ATE1: variants seen among roughly 807,000 people sequenced by gnomAD.
ATE1 encodes arginyl-tRNA--protein transferase 1.
A neutral mutation model predicts 70.5 loss-of-function variants in ATE1; 36 were observed. That is an observed-to-expected ratio of 0.51 (90% CI 0.39 to 0.67). The LOEUF (loss-of-function observed/expected upper bound fraction) is 0.67. ATE1 is among the 30% of genes least tolerant of loss of function. ATE1 has a pLI of 0.00. For missense variants in ATE1, 593 were observed against 629.5 expected, an observed-to-expected ratio of 0.94 and a Z score of 0.62; for synonymous variants, 232 against 219.3, an observed-to-expected ratio of 1.06 and a Z score of -0.51.
chr10:121,889,057 A>C (rs1007559921), intron 7 of ATE1, among the ~76,000 whole-genome samples: 1 of 152,066 alleles, frequency 6.6e-6, no homozygotes, highest in African/African-American at 2.4e-5. Flanking sequence ...TTCTGCATCC[A>C]GTCTGGAGTT....
At chr10:121,829,881 AAT>A (rs1948169746) in intron 10 of ATE1, among the ~76,000 whole-genome samples, 1 of 152,208 alleles carries the variant, frequency 6.6e-6, no homozygotes, top group Admixed American at 6.5e-5. Flanking sequence ...GCTAAGAAAA[AAT>A]ATAATTTTAA....
chr10:121,767,176 C>T (rs191344395), intron 11 of ATE1, among the ~76,000 whole-genome samples: 920 of 152,214 alleles, frequency 6.0e-3, no homozygotes, highest in South Asian at 0.016. Flanking sequence ...GAAGAAAAAT[C>T]ACCTGACACA....
rs1590364881 is a variant in ATE1 at position 121,812,102 on chromosome 10, T to C, written c.1258-21813A>G. On this transcript the variant is annotated intron_variant, in intron 10 of 11. Transcript: ENST00000224652. ...TCCCATGTAGCTGGGACTACAGGCATGAGACACCACGCCTGACTAATTTTT... is the reference window on the plus strand; with the variant it reads ...TCCCATGTAGCTGGGACTACAGGCACGAGACACCACGCCTGACTAATTTTT... Among the ~76,000 whole-genome samples, 3 of 151,992 alleles carry C rather than the reference T, an allele frequency of 2.0e-5. No individual in the cohort carries two copies. In the East Asian group the frequency reaches 5.8e-4, roughly 29 times the overall value.
chr10:121,898,422 C>T lies in ATE1; in HGVS notation c.942+1444G>A, dbSNP rs546974276. ...GCAGGCGAGGCTAAGCTATGATGTT[C>T]GGTAGGTTAGGTGTAGGTATTTCTT... On this transcript the variant is annotated intron_variant, in intron 7 of 11. Transcript: ENST00000224652. Among the ~76,000 whole-genome samples the T allele has an allele frequency of 2.3e-3, 346 of 152,246 alleles. 1 individual carries two copies. Among genetic ancestry groups the T allele is most frequent in the African/African-American group, 8.0e-3 (333 of 41,534 alleles).
intron 11 of ATE1, among the ~76,000 whole-genome samples, chr10:121,756,210 T>C (rs1944794085): frequency 6.6e-6 from 1 of 152,226 alleles, no homozygotes; most frequent in African/African-American, 2.4e-5. Flanking sequence ...ATGATCTCCT[T>C]TGACTCCATG....
intron 11 of ATE1, among the ~76,000 whole-genome samples, chr10:121,769,019 A>C (rs1220881698): frequency 8.4e-6 from 1 of 119,744 alleles, no homozygotes; most frequent in Non-Finnish European, 1.9e-5. Context: ...AAGTCTCTGT[A>C]AGAATTTTTA....
intron 7 of ATE1, among the ~76,000 whole-genome samples, chr10:121,892,047 G>C (rs1362288288): frequency 6.6e-6 from 1 of 152,086 alleles, no homozygotes; most frequent in African/African-American, 2.4e-5. Flanking sequence ...TCATGTACAG[G>C]GGAAAAGTAC....
intron 8 of ATE1, among the ~76,000 whole-genome samples, chr10:121,850,080 TA>T (rs1285631155): frequency 6.6e-6 from 1 of 152,178 alleles, no homozygotes; most frequent in Non-Finnish European, 1.5e-5. Flanking sequence ...GTATTGTTGT[TA>T]TAGAGAAAAA....
intron 7 of ATE1, among the ~76,000 whole-genome samples, chr10:121,881,724 A>G (rs1350910116): frequency 6.6e-6 from 1 of 150,948 alleles, no homozygotes; most frequent in African/African-American, 2.4e-5. Context: ...TTCCCAAATG[A>G]TATCTTTTAC....
At chr10:121,778,643 T>C (rs565556389) in intron 11 of ATE1, among the ~76,000 whole-genome samples, 1 of 146,562 alleles carries the variant, frequency 6.8e-6, no homozygotes, top group African/African-American at 2.5e-5. Flanking sequence ...TCTCACTCTC[T>C]GGGCTTCCTC....
At chr10:121,790,382 A>G in intron 10 of ATE1, 93 bp from the exon 11 acceptor site, 1 of 1,477,724 alleles carries the variant, frequency 6.8e-7, no homozygotes, top group Non-Finnish European at 9.0e-7. Flanking sequence ...TTTAAAGCAA[A>G]AACTTAAAAG....
At position 121,882,368 on chromosome 10, in the gene ATE1, C is replaced by G. The variant is rs576648394; in HGVS notation, c.943-12330G>C. Among the ~76,000 whole-genome samples, 13 of 152,286 alleles carry G rather than the reference C, an allele frequency of 8.5e-5. 1 individual carries two copies. Among genetic ancestry groups the G allele is most frequent in the African/African-American group, 3.1e-4 (13 of 41,566 alleles). ...GAAGGATCACTTACTTGCCCTTGAC[C>G]TCAGGATCTCTGACAGTTCCTAATA... On this transcript the variant is annotated intron_variant, in intron 7 of 11. Coordinates refer to ENST00000224652, the MANE Select transcript of ATE1 (RefSeq NM_001001976.3).
intron 7 of ATE1, among the ~76,000 whole-genome samples, chr10:121,885,848 C>A (rs955658320): frequency 6.6e-6 from 1 of 151,966 alleles, no homozygotes; most frequent in East Asian, 1.9e-4. Context: ...TGCAGTGAAT[C>A]GAGATTGTGC....
intron 11 of ATE1, among the ~76,000 whole-genome samples, chr10:121,764,545 A>T (rs772921206): frequency 6.6e-6 from 1 of 152,042 alleles, no homozygotes; most frequent in Non-Finnish European, 1.5e-5. Flanking sequence ...ATGATTTTCA[A>T]GCTATCCTAA....
chr10:121,921,818 CA>C (rs1342173441), intron 3 of ATE1, among the ~76,000 whole-genome samples: 1 of 152,160 alleles, frequency 6.6e-6, no homozygotes, highest in Non-Finnish European at 1.5e-5. Context: ...GTTCCGGGCC[CA>C]GTCTTTTAGA....
chr10:121,858,325 A>G (rs1158744121), intron 8 of ATE1, among the ~76,000 whole-genome samples: 1 of 152,152 alleles, frequency 6.6e-6, no homozygotes, highest in Non-Finnish European at 1.5e-5. Context: ...CTCTACAACC[A>G]TGCCAACAGT....
intron 11 of ATE1, among the ~76,000 whole-genome samples, chr10:121,755,033 T>C (rs1944737165): frequency 6.6e-6 from 1 of 152,196 alleles, no homozygotes; most frequent in South Asian, 2.1e-4. Context: ...GACAAGGATA[T>C]ACTATGGTAT....
At chr10:121,786,549 G>C (rs1946220142) in intron 11 of ATE1, among the ~76,000 whole-genome samples, 1 of 151,860 alleles carries the variant, frequency 6.6e-6, no homozygotes, top group Non-Finnish European at 1.5e-5. Context: ...TGCACCTGTA[G>C]TCCCAGCTAC....
chr10:121,847,941 C>G (rs1168915964), intron 8 of ATE1, among the ~76,000 whole-genome samples: 2 of 142,508 alleles, frequency 1.4e-5, no homozygotes, highest in Non-Finnish European at 3.1e-5. Context: ...TGTGGTGGCA[C>G]GTGCCTGTAA....
Sources: allele counts gnomAD v4.1 joint callset (sites outside exome capture counted in the v4.1 genomes callset), GRCh38; gene constraint gnomAD v4.1.1; transcripts MANE v1.5; gene names NCBI Gene and HGNC (gene_info 2026-07-23, HGNC 2026-07-21).